The following TRPC5 variants were observed in gnomAD, a reference collection of about 807,000 sequenced individuals.
The protein encoded by TRPC5 is transient receptor potential cation channel subfamily C member 5, also known as short transient receptor potential channel 5.
TRPC5 carries 9 observed loss-of-function variants against 56.5 expected under a neutral mutation model. The observed-to-expected ratio is 0.16, with a 90% CI of 0.10 to 0.28. The LOEUF is 0.28. Among genes scored for constraint, TRPC5 ranks in the 10% least tolerant of loss-of-function variants. The pLI is 1.00. For synonymous variants in TRPC5, 282 were observed against 278.5 expected, an observed-to-expected ratio of 1.01 and a Z score of -0.13; for missense variants, 469 against 748.9, an observed-to-expected ratio of 0.63 and a Z score of 4.36.
chrX:112,069,555 G>A (rs1269793003), intron 1 of TRPC5, among the ~76,000 whole-genome samples: 1 of 112,445 alleles, frequency 8.9e-6, no homozygotes, highest in Non-Finnish European at 1.9e-5. Context: ...CCCTGGCTAA[G>A]TTCTAGCTGA....
intron 1 of TRPC5, among the ~76,000 whole-genome samples, chrX:111,972,515 G>A (rs1027601983): frequency 8.9e-6 from 1 of 111,949 alleles, no homozygotes; most frequent in African/African-American, 3.3e-5. Context: ...TTTTTACAGG[G>A]GCAAAGGTCA....
intron 1 of TRPC5, among the ~76,000 whole-genome samples, chrX:112,019,322 A>G (rs1211621775): frequency 8.9e-6 from 1 of 112,527 alleles, no homozygotes; most frequent in Non-Finnish European, 1.9e-5. Context: ...TCGAAGCTAG[A>G]GAAAGCCTAT....
intron 2 of TRPC5, among the ~76,000 whole-genome samples, chrX:111,920,297 A>G (rs910528372): frequency 1.1e-4 from 12 of 110,997 alleles, no homozygotes; most frequent in African/African-American, 3.3e-4. Context: ...AAAAAAATGT[A>G]TCTTAATCAA....
intron 1 of TRPC5, among the ~76,000 whole-genome samples, chrX:112,045,155 G>A (rs909607213): frequency 9.5e-4 from 106 of 111,969 alleles, no homozygotes; most frequent in African/African-American, 3.4e-3. Context: ...CTTTACAGGT[G>A]TAATCAAATA....
chrX:111,800,581 A>G (rs1368480724), intron 7 of TRPC5, among the ~76,000 whole-genome samples: 1 of 110,573 alleles, frequency 9.0e-6, no homozygotes, highest in African/African-American at 3.3e-5. Context: ...CCTGGCCAAC[A>G]TGGTGAAACC....
chrX:111,927,919 T>C (rs1926304676), intron 2 of TRPC5, among the ~76,000 whole-genome samples: 2 of 109,598 alleles, frequency 1.8e-5, no homozygotes, highest in African/African-American at 6.7e-5. Flanking sequence ...ATCTTTCTGC[T>C]TGAACTCCCC....
intron 6 of TRPC5, among the ~76,000 whole-genome samples, chrX:111,837,206 C>A (rs749282479): frequency 8.9e-6 from 1 of 111,815 alleles, no homozygotes; most frequent in Non-Finnish European, 1.9e-5. Context: ...ATCACAGGAT[C>A]TAAATTTTCA....
At chrX:111,802,884 A>G (rs1025795482) in intron 7 of TRPC5, among the ~76,000 whole-genome samples, 2 of 110,625 alleles carry the variant, frequency 1.8e-5, no homozygotes, top group South Asian at 3.8e-4. Context: ...TTATTATTAT[A>G]CTTTAAGTTC....
In TRPC5 at chrX:111,955,987, C is replaced by T. The variant is rs748572156; in HGVS notation, c.-21-3546G>A. On this transcript the variant is annotated intron_variant, in intron 1 of 10. Transcript: ENST00000262839. ...CCATGAAAGATTAAGAATTGTCTAA[C>T]AGGCTGCCTCAGAGGGCTTATCATG... Among the ~76,000 whole-genome samples, 9 of 112,664 alleles carry T rather than the reference C, an allele frequency of 8.0e-5. No homozygotes were observed. In the East Asian group the frequency reaches 2.5e-3, roughly 31 times the overall value.
At chrX:112,069,152 T>C (rs745471168) in intron 1 of TRPC5, among the ~76,000 whole-genome samples, 1 of 112,104 alleles carries the variant, frequency 8.9e-6, no homozygotes, top group East Asian at 2.8e-4. Flanking sequence ...ACAACTCTAT[T>C]AGGACAACAC....
chrX:111,825,250 C>G (rs1475359808), intron 7 of TRPC5, among the ~76,000 whole-genome samples: 1 of 97,534 alleles, frequency 1.0e-5, no homozygotes, highest in Non-Finnish European at 2.0e-5. Context: ...CTCTCTCTCT[C>G]TCTCTTTCTT....
intron 3 of TRPC5, among the ~76,000 whole-genome samples, chrX:111,879,917 CA>C (rs1312099876): frequency 1.1e-4 from 11 of 101,469 alleles, no homozygotes; most frequent in African/African-American, 5.2e-4. Flanking sequence ...AGTTCCTCTT[CA>C]TTTTTTTTTT....
Position 111,915,296 on chromosome X carries a change from T to C in TRPC5, c.379-2484A>G, listed in dbSNP as rs368563550. ...TTATATTGTCTAACAAGGAACTTTA[T>C]TATTCTCCATTCGGCTTCCTGAGTA... On this transcript the variant is annotated intron_variant, in intron 2 of 10. Coordinates refer to ENST00000262839, the MANE Select transcript of TRPC5 (RefSeq NM_012471.3). 1.3e-4 allele frequency among the ~76,000 whole-genome samples: 15 copies of C among 111,933 alleles called. No individual in the cohort carries two copies. The East Asian group carries it at 3.4e-3, about 25-fold the overall frequency.
At chrX:111,902,830 T>A (rs1004379471) in intron 3 of TRPC5, 3 of 112,080 alleles carry the variant, frequency 2.7e-5, no homozygotes, top group African/African-American at 9.7e-5. Flanking sequence ...AGAGTTCCAG[T>A]GCAGGACTGT....
intron 2 of TRPC5, among the ~76,000 whole-genome samples, chrX:111,945,011 A>G (rs1417475761): frequency 9.0e-6 from 1 of 111,079 alleles, no homozygotes; most frequent in Non-Finnish European, 1.9e-5. Flanking sequence ...TTACCTAGAA[A>G]CAGGTTGGGG....
chrX:111,902,028 C>T (rs1016800243), intron 3 of TRPC5: 15 of 1,153,697 alleles, frequency 1.3e-5, no homozygotes, highest in Middle Eastern at 2.3e-4. Context: ...GAGGAGCCTT[C>T]GCTACCTGAT....
At chrX:111,971,956 G>A (rs181714835) in intron 1 of TRPC5, among the ~76,000 whole-genome samples, 2 of 111,801 alleles carry the variant, frequency 1.8e-5, no homozygotes, top group East Asian at 5.7e-4. Context: ...TGCTCAACAC[G>A]TTTTTCATCT....
intron 3 of TRPC5, among the ~76,000 whole-genome samples, chrX:111,876,775 A>G (rs1388426988): frequency 8.9e-6 from 1 of 112,061 alleles, no homozygotes; most frequent in Non-Finnish European, 1.9e-5. Flanking sequence ...AAATGAAAAG[A>G]TGCAAAACTG....
rs1484537769 is a variant in TRPC5 at position 111,936,440 on chromosome X, C to T, written c.378+15603G>A. ...ACATGTGCCATGCTGGTGTGCTGCA[C>T]CCATTAACTCGTCATTTAGCATTAG... On this transcript the variant is annotated intron_variant, in intron 2 of 10. Transcript: ENST00000262839. Among the ~76,000 whole-genome samples the T allele has an allele frequency of 1.9e-4, 21 of 109,187 alleles. 1 individual carries two copies. In the South Asian group the frequency reaches 8.1e-3, roughly 42 times the overall value. The allele number at this position is 109,187 out of a possible 115,157, so 94.8% of individuals were successfully genotyped here. A position where few individuals can be genotyped will look rare whatever the true frequency, so the allele number is the denominator to read the frequency against.
Sources: gnomAD v4.1 joint callset for allele counts (sites outside exome capture counted in the v4.1 genomes callset) on GRCh38, gnomAD v4.1.1 for gene constraint, MANE v1.5 for transcripts, NCBI Gene and HGNC (gene_info 2026-07-23, HGNC 2026-07-21) for gene names.